The following LMOD1 variants were observed in gnomAD, a reference collection of about 807,000 sequenced individuals.
The protein encoded by LMOD1 is leiomodin 1.
In LMOD1, 8 loss-of-function variants were observed where a neutral mutation model predicts 36.5. The ratio of observed to expected loss-of-function variants is 0.22; its 90% CI spans 0.13 to 0.40. The LOEUF is 0.40. Among genes scored for constraint, LMOD1 ranks in the 10% least tolerant of loss-of-function variants. The probability of loss-of-function intolerance (pLI) is 1.00; values close to 1 mark genes in which losing one functional copy is unlikely to be tolerated. For synonymous variants in LMOD1, 284 were observed against 288.7 expected, an observed-to-expected ratio of 0.98 and a Z score of 0.17; for missense variants, 630 against 751.1, an observed-to-expected ratio of 0.84 and a Z score of 1.88.
chr1:201,930,066 C>A (rs1417680627), intron 1 of LMOD1, among the ~76,000 whole-genome samples: 7 of 152,132 alleles, frequency 4.6e-5, no homozygotes. Flanking sequence ...CAAGATAAAG[C>A]CTGGCGCTCT....
chr1:201,929,080 C>CTTTATTTA (rs201355809), intron 1 of LMOD1, among the ~76,000 whole-genome samples: 137 of 148,088 alleles, frequency 9.3e-4, no homozygotes, highest in East Asian at 2.2e-3. Flanking sequence ...CATAGGTGGA[C>CTTTATTTA]TTTATTTATT....
chr1:201,912,433 C>T (rs1382231753), intron 1 of LMOD1, among the ~76,000 whole-genome samples: 1 of 152,054 alleles, frequency 6.6e-6, no homozygotes, highest in East Asian at 1.9e-4. Context: ...GCCCCTATCA[C>T]TCTGTTTCTT....
At chr1:201,912,869 A>G (rs544125989) in intron 1 of LMOD1, among the ~76,000 whole-genome samples, 29 of 152,132 alleles carry the variant, frequency 1.9e-4, no homozygotes, top group Non-Finnish European at 4.0e-4. Context: ...GTGAGACTCC[A>G]TCTCAGAAAA....
chr1:201,922,626 C>T (rs146187795), intron 1 of LMOD1, among the ~76,000 whole-genome samples: 9 of 151,830 alleles, frequency 5.9e-5, no homozygotes, highest in African/African-American at 2.2e-4. Flanking sequence ...TCTTTTGGGA[C>T]TGATGAAAAT....
chr1:201,911,491 C>T (rs1460627795), intron 1 of LMOD1, among the ~76,000 whole-genome samples: 1 of 152,056 alleles, frequency 6.6e-6, no homozygotes, highest in East Asian at 1.9e-4. Flanking sequence ...ATGGTGAAAC[C>T]CCACCTGTAC....
intron 1 of LMOD1, among the ~76,000 whole-genome samples, chr1:201,931,087 T>C (rs1004742223): frequency 3.3e-5 from 5 of 151,990 alleles, no homozygotes; most frequent in East Asian, 1.9e-4. Flanking sequence ...AATGTGGGAA[T>C]TGGGGAGAAA....
rs754621714 is a variant in LMOD1, at chr1:201,898,287, G to T, written c.*85C>A. On this transcript the variant is annotated 3_prime_UTR_variant, in exon 3 of 3. Coordinates refer to ENST00000367288, the MANE Select transcript of LMOD1 (RefSeq NM_012134.3). ...GGACATCCACAGCAGGTCAGCCAGG[G>T]ATGGGGTGGGCAGGGTCTGTGTAGC... 2 of 1,411,930 alleles carry T rather than the reference G, an allele frequency of 1.4e-6. No individual in the cohort carries two copies. The highest frequency in any genetic ancestry group is 1.4e-5 in the African/African-American group (1 of 70,884). The allele number at this position is 1,411,930 out of a possible 1,614,324, so 87.5% of individuals were successfully genotyped here.
chr1:201,940,539 G>A (rs567017207), intron 1 of LMOD1, among the ~76,000 whole-genome samples: 1 of 151,414 alleles, frequency 6.6e-6, no homozygotes, highest in South Asian at 2.1e-4. Context: ...CACCCAGAGG[G>A]CAGCACTGAG....
chr1:201,913,655 C>A (rs1681551606), intron 1 of LMOD1, among the ~76,000 whole-genome samples: 1 of 152,120 alleles, frequency 6.6e-6, no homozygotes, highest in Admixed American at 6.5e-5. Context: ...GGCTCGCCTC[C>A]TTAATCCTCA....
At position 201,946,314 on chromosome 1, in the gene LMOD1, C is replaced by A; in HGVS notation, c.27G>T (p.Arg9=). The A allele has an allele frequency of 6.2e-7, 1 of 1,613,978 alleles. No individual in the cohort carries two copies. The highest frequency in any genetic ancestry group is 8.5e-7 in the Non-Finnish European group (1 of 1,179,876). Residue 9 remains arginine, a synonymous_variant, in exon 1 of 3, where the codon CGG becomes CGT. Coordinates refer to ENST00000367288, the MANE Select transcript of LMOD1 (RefSeq NM_012134.3). ...CGATGTCGGGGTCTTCACTCACCTG[C>A]CGGCGATATTTGGCTACTCTAGACA... MSRVAKYR[R]QVSEDPDIDS... is the part of the protein sequence containing the mutation.
chr1:201,946,502 GT>G lies in LMOD1; in HGVS notation c.-163del. The G allele has an allele frequency of 1.4e-6, 1 of 717,746 alleles. No individual in the cohort carries two copies. Among genetic ancestry groups the G allele is most frequent in the Non-Finnish European group, 2.3e-6 (1 of 442,640 alleles). 44.5% of individuals were successfully genotyped at this position (717,746 alleles called of 1,614,324 possible). On this transcript the variant is annotated 5_prime_UTR_variant, in exon 1 of 3. Transcript: ENST00000367288. ...GCCCTTCTGTGCTACAGGTGCTGAA[GT>G]GTTCACTGGACGCAGCAGCCTCCCT...
chr1:201,922,671 GTGAATATACTGAATATATATTCACAC>G (rs1216326119), intron 1 of LMOD1, among the ~76,000 whole-genome samples: 4 of 151,460 alleles, frequency 2.6e-5, no homozygotes, highest in African/African-American at 4.8e-5. Context: ...GTACAACTTT[GTGAATATACTGAATATATATTCACAC>G]TGAATATACT....
In LMOD1 at chr1:201,939,595, G is replaced by A. The variant is rs563247645; in HGVS notation, c.261+6485C>T. Among the ~76,000 whole-genome samples, 18 of 152,280 alleles carry A rather than the reference G, an allele frequency of 1.2e-4. 1 individual carries two copies. In the South Asian group the frequency reaches 3.7e-3, roughly 32 times the overall value. ...GAATGGAGACCACTGCTCTTTTGCTGGTTAAACAAAAGTGGTCCAATAAAT... is the reference window on the plus strand; with the variant it reads ...GAATGGAGACCACTGCTCTTTTGCTAGTTAAACAAAAGTGGTCCAATAAAT... On this transcript the variant is annotated intron_variant, in intron 1 of 2. Coordinates refer to ENST00000367288, the MANE Select transcript of LMOD1 (RefSeq NM_012134.3).
rs1230369095 is a variant in LMOD1 at position 201,901,628 on chromosome 1, GTGTATATA to G, written c.262-885_262-878del. Among the ~76,000 whole-genome samples, 77 of 14,014 alleles carry G rather than the reference GTGTATATA, an allele frequency of 5.5e-3. 7 individuals carry two copies. Among genetic ancestry groups the G allele is most frequent in the African/African-American group, 0.01 (70 of 6,930 alleles). The allele number at this position is 14,014 out of a possible 152,430, so 9.2% of individuals were successfully genotyped here. The stretch of plus-strand genomic sequence containing the variant: ...TATATATACACATATATATGTGTGT[GTGTATATA>G]TATATATATATACATATATATGTGT... On this transcript the variant is annotated intron_variant, in intron 1 of 2. Coordinates refer to ENST00000367288, the MANE Select transcript of LMOD1 (RefSeq NM_012134.3).
chr1:201,923,634 G>A (rs1353339334), intron 1 of LMOD1, among the ~76,000 whole-genome samples: 2 of 152,024 alleles, frequency 1.3e-5, no homozygotes, highest in Non-Finnish European at 2.9e-5. Flanking sequence ...AGGCCAACGG[G>A]GGGCAGATTG....
At chr1:201,901,688 GTGTA>G (rs1409137674) in intron 1 of LMOD1, among the ~76,000 whole-genome samples, 5 of 92,128 alleles carry the variant, frequency 5.4e-5, no homozygotes, top group African/African-American at 2.0e-4. Context: ...ATATATATAT[GTGTA>G]TATATATATA....
rs532244755 is a variant in LMOD1, at chr1:201,901,654, A to C, written c.262-903T>G. 2.7e-4 allele frequency among the ~76,000 whole-genome samples: 24 copies of C among 89,280 alleles called. 2 individuals are homozygous for C. The highest frequency in any genetic ancestry group is 5.1e-4 in the Non-Finnish European group (23 of 45,294). 58.6% of individuals were successfully genotyped at this position (89,280 alleles called of 152,430 possible). On this transcript the variant is annotated intron_variant, in intron 1 of 2. Transcript: ENST00000367288. ...TGTATATATATATATATATACATAT[A>C]TATGTGTATATATATATATACACAT...
chr1:201,940,743 C>T (rs1296637669), intron 1 of LMOD1, among the ~76,000 whole-genome samples: 7 of 142,898 alleles, frequency 4.9e-5, no homozygotes, highest in Non-Finnish European at 9.2e-5. Flanking sequence ...ACCACCACGC[C>T]CAGCATTTTT....
At chr1:201,915,265 G>T (rs370191378) in intron 1 of LMOD1, among the ~76,000 whole-genome samples, 2 of 151,982 alleles carry the variant, frequency 1.3e-5, no homozygotes, top group African/African-American at 4.8e-5. Context: ...GTGTTGGCAA[G>T]GTCTTATTTT....
Sources: gnomAD v4.1 joint callset for allele counts (sites outside exome capture counted in the v4.1 genomes callset) on GRCh38, gnomAD v4.1.1 for gene constraint, MANE v1.5 for transcripts, NCBI Gene and HGNC (gene_info 2026-07-23, HGNC 2026-07-21) for gene names.